Variants in PPFIBP1 observed in about 807,000 individuals in gnomAD.
PPFIBP1 encodes the protein PPFIB scaffold protein 1.
In PPFIBP1, 112 loss-of-function variants were observed where a neutral mutation model predicts 137.8. The ratio of observed to expected loss-of-function variants is 0.81; its 90% CI spans 0.70 to 0.95. The LOEUF (loss-of-function observed/expected upper bound fraction) is 0.95. Ranked by LOEUF, PPFIBP1 falls within the 40% of genes least tolerant of loss-of-function variation. The pLI is 0.00. For synonymous variants in PPFIBP1, 378 were observed against 417.3 expected, an observed-to-expected ratio of 0.91 and a Z score of 1.15; for missense variants, 1,083 against 1,196.6, an observed-to-expected ratio of 0.91 and a Z score of 1.40.
At chr12:27,687,742 T>G (rs528167010) in intron 25 of PPFIBP1, among the ~76,000 whole-genome samples, 26 of 151,676 alleles carry the variant, frequency 1.7e-4, no homozygotes, top group Middle Eastern at 3.4e-3. Context: ...CTTGGGTGTA[T>G]TTTTTTTTCC....
At chr12:27,662,778 A>T (rs1157914005) in intron 11 of PPFIBP1, among the ~76,000 whole-genome samples, 1 of 152,222 alleles carries the variant, frequency 6.6e-6, no homozygotes, top group African/African-American at 2.4e-5. Context: ...AGAAAGTTGG[A>T]ACATAAATCT....
intron 12 of PPFIBP1, among the ~76,000 whole-genome samples, chr12:27,665,760 T>A (rs2059819187): frequency 6.6e-6 from 1 of 152,114 alleles, no homozygotes. Context: ...TTTTGATGAG[T>A]TCACAGAGAA....
intron 6 of PPFIBP1, among the ~76,000 whole-genome samples, chr12:27,649,543 TTTTTA>T (rs1260881384): frequency 6.6e-6 from 1 of 152,134 alleles, no homozygotes; most frequent in Non-Finnish European, 1.5e-5. Context: ...GAATAGTTCT[TTTTTA>T]TTTTATTTTA....
chr12:27,569,830 A>G (rs1433369891), intron 1 of PPFIBP1, among the ~76,000 whole-genome samples: 1 of 152,118 alleles, frequency 6.6e-6, no homozygotes, highest in Admixed American at 6.5e-5. Flanking sequence ...AAGTGCTGGG[A>G]TTACCGGTGT....
intron 17 of PPFIBP1, among the ~76,000 whole-genome samples, chr12:27,674,727 T>C (rs2060396043): frequency 6.6e-6 from 1 of 152,052 alleles, no homozygotes; most frequent in Non-Finnish European, 1.5e-5. Context: ...TACCATTAGA[T>C]TATACACCCG....
chr12:27,635,331 T>C, intron 4 of PPFIBP1: 3 of 603,624 alleles, frequency 5.0e-6, no homozygotes, highest in Non-Finnish European at 8.8e-6. Flanking sequence ...ACAGGTCACC[T>C]GATTCTGCCC....
chr12:27,676,571 C>G lies in PPFIBP1; in HGVS notation c.1554C>G (p.Asn518Lys). 2.5e-6 allele frequency: 4 copies of G among 1,598,016 alleles called. No individual in the cohort carries two copies. The highest frequency in any genetic ancestry group is 1.7e-6 in the Non-Finnish European group (2 of 1,172,204). ...FGRGFFKIKS[N>K]KRTASAPNLD... is the part of the protein sequence containing the mutation. ...GGGGCTTTTTTAAAATCAAAAGTAACAAGAGAACAGCAAGTGCACCAAACT... is the reference window on the plus strand; with the variant it reads ...GGGGCTTTTTTAAAATCAAAAGTAAGAAGAGAACAGCAAGTGCACCAAACT... Residue 518 changes from asparagine to lysine, a missense_variant, in exon 18 of 30, where the codon AAC becomes AAG. Transcript: ENST00000228425.
At chr12:27,585,462 C>T (rs964542593) in intron 2 of PPFIBP1, among the ~76,000 whole-genome samples, 1 of 152,182 alleles carries the variant, frequency 6.6e-6, no homozygotes, top group Admixed American at 6.5e-5. Flanking sequence ...AAATGACATT[C>T]ACTTTCAGAT....
At chr12:27,585,833 A>G (rs1486766417) in intron 2 of PPFIBP1, among the ~76,000 whole-genome samples, 1 of 152,168 alleles carries the variant, frequency 6.6e-6, no homozygotes, top group African/African-American at 2.4e-5. Flanking sequence ...GCCAGTTCCA[A>G]GAAGAGGTAG....
intron 1 of PPFIBP1, chr12:27,548,266 C>T (rs1022816456): frequency 2.6e-4 from 39 of 152,098 alleles, no homozygotes; most frequent in African/African-American, 8.7e-4. Flanking sequence ...TTGAATGGGT[C>T]GCCGTAACAA....
In PPFIBP1 at chr12:27,692,884, C is replaced by G; in HGVS notation, c.*2C>G. ...ACAGATGAAGACTCAAACGTTTGAC[C>G]GTAGCACCTGGATGAACATTAGGAG... is the stretch of plus-strand genomic sequence containing the variant. On this transcript the variant is annotated 3_prime_UTR_variant, in exon 30 of 30. Coordinates refer to ENST00000228425, the MANE Select transcript of PPFIBP1 (RefSeq NM_003622.4). 1 of 1,613,998 alleles carries G rather than the reference C, an allele frequency of 6.2e-7. No individual in the cohort carries two copies. Among genetic ancestry groups the G allele is most frequent in the South Asian group, 1.1e-5 (1 of 91,044 alleles).
intron 2 of PPFIBP1, among the ~76,000 whole-genome samples, chr12:27,590,429 G>A (rs536796028): frequency 1.3e-5 from 2 of 152,252 alleles, no homozygotes; most frequent in Non-Finnish European, 2.9e-5. Flanking sequence ...ACCCACCTCG[G>A]CCTCCCAAAG....
At chr12:27,553,751 C>T (rs1471374500) in intron 1 of PPFIBP1, among the ~76,000 whole-genome samples, 1 of 152,212 alleles carries the variant, frequency 6.6e-6, no homozygotes, top group Non-Finnish European at 1.5e-5. Context: ...ATACTTAGAA[C>T]ATTTTTGGGT....
At chr12:27,545,591 C>T (rs1008147244) in intron 1 of PPFIBP1, among the ~76,000 whole-genome samples, 1 of 152,190 alleles carries the variant, frequency 6.6e-6, no homozygotes, top group African/African-American at 2.4e-5. Flanking sequence ...AGCACTCCCA[C>T]GAGCTATAAT....
intron 1 of PPFIBP1, among the ~76,000 whole-genome samples, chr12:27,570,343 A>G (rs10842938): frequency 0.23 from 34,500 of 152,074 alleles, 4,517 homozygotes; most frequent in African/African-American, 0.33. Flanking sequence ...GGATGAGAAA[A>G]CTTGAGGCTT....
At chr12:27,606,487 C>A (rs1288079127) in intron 2 of PPFIBP1, among the ~76,000 whole-genome samples, 1 of 152,144 alleles carries the variant, frequency 6.6e-6, no homozygotes, top group Non-Finnish European at 1.5e-5. Context: ...TTGATGTTTT[C>A]TTTTTTTCCA....
chr12:27,598,051 C>T (rs1189419090), intron 2 of PPFIBP1, among the ~76,000 whole-genome samples: 1 of 152,120 alleles, frequency 6.6e-6, no homozygotes, highest in Non-Finnish European at 1.5e-5. Context: ...GCGATCCACC[C>T]ACCTCAGCCT....
intron 17 of PPFIBP1, 140 bp from the exon 18 acceptor site, chr12:27,676,288 A>G (rs2060504881): frequency 1.7e-6 from 1 of 577,658 alleles, no homozygotes; most frequent in Non-Finnish European, 2.7e-6. Context: ...GGCATTTGAC[A>G]TTGGTGATCA....
intron 7 of PPFIBP1, 29 bp downstream of exon 7, chr12:27,650,170 T>C (rs749623974): frequency 1.3e-5 from 20 of 1,539,706 alleles, no homozygotes; most frequent in South Asian, 3.6e-5. Context: ...CCTCCCTCTC[T>C]CTCTCTCTCT....
Sources: gnomAD v4.1 joint callset for allele counts (sites outside exome capture counted in the v4.1 genomes callset) on GRCh38, gnomAD v4.1.1 for gene constraint, MANE v1.5 for transcripts, NCBI Gene and HGNC (gene_info 2026-07-23, HGNC 2026-07-21) for gene names.